Variants in KIF1A observed in about 807,000 individuals in gnomAD.
The protein encoded by KIF1A is kinesin-like protein KIF1A.
KIF1A carries 46 observed loss-of-function variants against 227.3 expected under a neutral mutation model. That is an observed-to-expected ratio of 0.20 (90% confidence interval 0.16 to 0.26). KIF1A has a LOEUF of 0.26. Ranked by LOEUF, KIF1A falls within the 10% of genes least tolerant of loss-of-function variation. KIF1A has a pLI of 1.00. For synonymous variants in KIF1A, 1,022 were observed against 1,012.8 expected, an observed-to-expected ratio of 1.01 and a Z score of -0.17; for missense variants, 1,683 against 2,485.9, an observed-to-expected ratio of 0.68 and a Z score of 6.87.
At chr2:240,816,179 T>C (rs1385623944) in intron 1 of KIF1A, among the ~76,000 whole-genome samples, 1 of 151,962 alleles carries the variant, frequency 6.6e-6, no homozygotes, top group Non-Finnish European at 1.5e-5. Flanking sequence ...TCTATCTGCA[T>C]GCATGCATGT....
At chr2:240,774,397 C>CCCCCCA (rs1559516785) in intron 11 of KIF1A, 136 bp from the exon 12 acceptor site, 1 of 424,726 alleles carries the variant, frequency 2.4e-6, no homozygotes, top group Non-Finnish European at 4.2e-6. Context: ...GCTTACCCCC[C>CCCCCCA]CCCCCACCCC....
rs532040809 is a variant in KIF1A at position 240,737,163 on chromosome 2, T to C, written c.3907A>G (p.Ile1303Val). ...TCGTCGGTCTCTGGAGTGTTTCGGA[T>C]GCGGCCTGCAGAAAAGGCAACGGGC... ...KEVRELVVGR[I>V]RNTPETDESL... The change falls in exon 38 of 49, where the codon ATC becomes GTC. Residue 1303 changes from isoleucine (I) to valine (V), a missense_variant. Transcript: ENST00000498729. 2 of 1,613,282 alleles carry C rather than the reference T, an allele frequency of 1.2e-6. No individual in the cohort carries two copies. Among genetic ancestry groups the C allele is most frequent in the Non-Finnish European group, 1.7e-6 (2 of 1,179,382 alleles).
Position 240,746,319 on chromosome 2 carries a change from G to C in KIF1A, c.3064-142C>G, listed in dbSNP as rs536769127. On this transcript the variant is annotated intron_variant, in intron 29 of 48. Transcript: ENST00000498729. ...CCATGAACCCACGCACCAGACCTGT[G>C]CCTGCCTTGTAGGGGGGCATCCACC... The C allele has an allele frequency of 4.9e-4, 480 of 975,034 alleles. No individual in the cohort carries two copies. In the African/African-American group the frequency reaches 6.3e-3, roughly 13 times the overall value. The allele number at this position is 975,034 out of a possible 1,614,324, so 60.4% of individuals were successfully genotyped here.
chr2:240,774,336 C>T (rs991417751), intron 11 of KIF1A, 75 bp from the exon 12 acceptor site: 3 of 984,532 alleles, frequency 3.0e-6, no homozygotes, highest in Non-Finnish European at 4.8e-6. Context: ...CCCTTCCCCC[C>T]ACATTTACAG....
At position 240,725,621 on chromosome 2, in the gene KIF1A, C is replaced by G; in HGVS notation, c.4123-217G>C. Reference sequence around the variant, plus strand: ...CAGGTAGCCACAGCTCTGTCCACCCCTGGGCTGCCTGAGGGACTGGTCTCC... The same window carrying G: ...CAGGTAGCCACAGCTCTGTCCACCCGTGGGCTGCCTGAGGGACTGGTCTCC... On this transcript the variant is annotated intron_variant, in intron 39 of 48. Coordinates refer to ENST00000498729, the MANE Select transcript of KIF1A (RefSeq NM_001244008.2). The surrounding 1 kb of genome is among the most constrained non-coding windows in gnomAD (Gnocchi z 5.8). 1.8e-6 allele frequency: 1 copy of G among 556,394 alleles called. No individual in the cohort carries two copies. The highest frequency in any genetic ancestry group is 3.2e-6 in the Non-Finnish European group (1 of 316,368). The allele number at this position is 556,394 out of a possible 1,614,324, so 34.5% of individuals were successfully genotyped here.
Position 240,799,696 on chromosome 2 carries a change from G to T in KIF1A, c.-60-1884C>A, listed in dbSNP as rs192277340. 2.0e-5 allele frequency among the ~76,000 whole-genome samples: 3 copies of T among 152,288 alleles called. No homozygotes were observed. The East Asian group carries it at 5.8e-4, about 29-fold the overall frequency. On this transcript the variant is annotated intron_variant, in intron 1 of 48. Coordinates refer to ENST00000498729, the MANE Select transcript of KIF1A (RefSeq NM_001244008.2). Reference sequence around the variant, plus strand: ...CCAGCCGGGATGGAGAGAGGAACAGGCAAGTTCACCAGTCCCTGGCTAGAG... The same window carrying T: ...CCAGCCGGGATGGAGAGAGGAACAGTCAAGTTCACCAGTCCCTGGCTAGAG...
At chr2:240,786,593 G>C (rs896300834) in intron 5 of KIF1A, 80 bp from the exon 6 acceptor site, 1 of 1,385,084 alleles carries the variant, frequency 7.2e-7, no homozygotes, top group Non-Finnish European at 1.0e-6. Context: ...TGAGTGAGGG[G>C]GTAGGGGTCA....
chr2:240,759,540 AC>A (rs2050257469), intron 25 of KIF1A, among the ~76,000 whole-genome samples: 1 of 151,536 alleles, frequency 6.6e-6, no homozygotes, highest in African/African-American at 2.4e-5. Flanking sequence ...CTTTCCCACA[AC>A]CCCAGGCTGT....
Position 240,792,767 on chromosome 2 carries a change from G to A in KIF1A, c.107-3455C>T, listed in dbSNP as rs1255785194. Among the ~76,000 whole-genome samples, 1 of 152,160 alleles carries A rather than the reference G, an allele frequency of 6.6e-6. No individual in the cohort carries two copies. Among genetic ancestry groups the A allele is most frequent in the Non-Finnish European group, 1.5e-5 (1 of 68,038 alleles). On this transcript the variant is annotated intron_variant, in intron 2 of 48. Coordinates refer to ENST00000498729, the MANE Select transcript of KIF1A (RefSeq NM_001244008.2). This position sits in a 1 kb window ranked among gnomAD's most constrained non-coding sequence, Gnocchi z 4.5. ...TGGGGCCTTGTGAAGTGATGAGGAT[G>A]AGACGAAGCCACGAAGTCAGGGACC...
At chr2:240,748,718 TG>T (rs1182027138) in intron 28 of KIF1A, 1 of 286,740 alleles carries the variant, frequency 3.5e-6, no homozygotes, top group Non-Finnish European at 7.5e-6. Flanking sequence ...ACTCCCCAGC[TG>T]GGCCCCCTGA....
intron 29 of KIF1A, 27 bp downstream of exon 29, chr2:240,747,209 T>A: frequency 1.9e-6 from 3 of 1,576,262 alleles, no homozygotes; most frequent in Non-Finnish European, 2.6e-6. Context: ...CACCTCCAGG[T>A]CTGGGACTCG....
intron 1 of KIF1A, among the ~76,000 whole-genome samples, chr2:240,798,187 A>G (rs1183287255): frequency 6.6e-6 from 1 of 152,264 alleles, no homozygotes; most frequent in Non-Finnish European, 1.5e-5. Context: ...CCCAAGAGCC[A>G]GTGCTGGCTC....
intron 38 of KIF1A, among the ~76,000 whole-genome samples, chr2:240,732,146 ATTGGG>A (rs2046754160): frequency 3.4e-5 from 1 of 29,060 alleles, no homozygotes. Flanking sequence ...GGGATGAGGG[ATTGGG>A]GAGGAGGGGA....
chr2:240,816,285 TGA>T (rs1301464306), intron 1 of KIF1A, among the ~76,000 whole-genome samples: 1 of 151,538 alleles, frequency 6.6e-6, no homozygotes, highest in Non-Finnish European at 1.5e-5. Flanking sequence ...TGTGTGTGTA[TGA>T]GTGTCTGTGT....
At chr2:240,769,306 C>T (rs958986304) in intron 16 of KIF1A, 98 bp from the exon 17 acceptor site, 29 of 1,103,608 alleles carry the variant, frequency 2.6e-5, no homozygotes, top group Admixed American at 8.5e-5. Flanking sequence ...CTGTGGCCAC[C>T]GTGGCCTGGG....
At chr2:240,717,680 C>A (rs1403980484) in intron 48 of KIF1A, among the ~76,000 whole-genome samples, 2 of 152,238 alleles carry the variant, frequency 1.3e-5, no homozygotes, top group South Asian at 2.1e-4. Flanking sequence ...TTTCCCCATG[C>A]CGAGGCCACC....
At chr2:240,811,919 G>A (rs557371605) in intron 1 of KIF1A, among the ~76,000 whole-genome samples, 2 of 152,280 alleles carry the variant, frequency 1.3e-5, no homozygotes, top group East Asian at 3.9e-4. Flanking sequence ...TGGCCCGAGG[G>A]CAGGAGAGGG....
intron 27 of KIF1A, among the ~76,000 whole-genome samples, chr2:240,753,073 A>G (rs1265657471): frequency 3.9e-5 from 6 of 152,156 alleles, no homozygotes; most frequent in Non-Finnish European, 8.8e-5. Flanking sequence ...GGGGCCATCC[A>G]CATGTGCCAC....
intron 16 of KIF1A, 76 bp from the exon 17 acceptor site, chr2:240,769,284 G>A (rs1260304684): frequency 1.1e-5 from 14 of 1,333,140 alleles, no homozygotes; most frequent in Non-Finnish European, 1.5e-5. Context: ...CTGACCAATG[G>A]GGGCAGCGGG....
Sources: allele counts gnomAD v4.1 joint callset (sites outside exome capture counted in the v4.1 genomes callset), GRCh38; gene constraint gnomAD v4.1.1; non-coding constraint Gnocchi (gnomAD v3.1); transcripts MANE v1.5; gene names NCBI Gene and HGNC (gene_info 2026-07-23, HGNC 2026-07-21).